PPP2R2A: variants seen among roughly 807,000 people sequenced by gnomAD.
The protein encoded by PPP2R2A is serine/threonine-protein phosphatase 2A 55 kDa regulatory subunit B alpha isoform.
PPP2R2A carries 9 observed loss-of-function variants against 53.2 expected under a neutral mutation model. The observed-to-expected ratio is 0.17, with a 90% CI of 0.10 to 0.30. The LOEUF (loss-of-function observed/expected upper bound fraction) is 0.30, where lower values mean the gene tolerates loss of function less well. PPP2R2A is among the 10% of genes least tolerant of loss of function. The pLI is 1.00. For synonymous variants in PPP2R2A, 169 were observed against 174.2 expected (o/e 0.97, Z 0.23); for missense variants, 235 against 534.6 (o/e 0.44, Z 5.53).
At chr8:26,344,470 A>G (rs1804107643) in intron 3 of PPP2R2A, among the ~76,000 whole-genome samples, 1 of 152,194 alleles carries the variant, frequency 6.6e-6, no homozygotes, top group African/African-American at 2.4e-5. Context: ...ATTACTTTAT[A>G]CCTAATGAGG....
chr8:26,309,196 A>G (rs1802162042), intron 2 of PPP2R2A, among the ~76,000 whole-genome samples: 1 of 152,180 alleles, frequency 6.6e-6, no homozygotes, highest in Admixed American at 6.5e-5. Context: ...TTGTCTTGTA[A>G]GTCAGAATCA....
At chr8:26,314,321 C>T (rs560192287) in intron 2 of PPP2R2A, among the ~76,000 whole-genome samples, 2 of 152,332 alleles carry the variant, frequency 1.3e-5, no homozygotes, top group South Asian at 4.1e-4. Context: ...AACCCGCGTG[C>T]TTCAATCTGG....
At chr8:26,337,540 A>G (rs769409828) in intron 2 of PPP2R2A, among the ~76,000 whole-genome samples, 2 of 152,224 alleles carry the variant, frequency 1.3e-5, no homozygotes, top group African/African-American at 2.4e-5. Flanking sequence ...AGAAGTCAGT[A>G]GTATAGTACA....
rs543127402 is a variant in PPP2R2A, at chr8:26,318,285, T to C, written c.83-20605T>C. ...AATTCAAATAGTTTAATATTTTTTA[T>C]GACATGAAACAATTGGAAATTTGAA... On this transcript the variant is annotated intron_variant, in intron 2 of 9. Coordinates refer to ENST00000380737, the MANE Select transcript of PPP2R2A (RefSeq NM_002717.4). Among the ~76,000 whole-genome samples the C allele has an allele frequency of 3.3e-5, 5 of 152,352 alleles. No homozygotes were observed. In the South Asian group the frequency reaches 6.2e-4, roughly 19 times the overall value.
chr8:26,363,084 T>C (rs17309613), intron 7 of PPP2R2A: 19,118 of 397,138 alleles, frequency 0.048, 747 homozygotes, highest in South Asian at 0.13. Context: ...TGGAATGCTG[T>C]TGTTCTTTGG....
At chr8:26,339,654 A>G (rs1269199202) in intron 3 of PPP2R2A, among the ~76,000 whole-genome samples, 1 of 152,016 alleles carries the variant, frequency 6.6e-6, no homozygotes, top group Non-Finnish European at 1.5e-5. Flanking sequence ...AATTTGTCAC[A>G]CTTGGTTTTT....
rs1462207767 is a variant in PPP2R2A, at chr8:26,360,039, AAGTT to A, written c.347-129_347-126del. The A allele has an allele frequency of 1.9e-6, 1 of 518,494 alleles. No individual in the cohort carries two copies. The highest frequency in any genetic ancestry group is 3.3e-6 in the Non-Finnish European group (1 of 298,972). 32.1% of individuals were successfully genotyped at this position (518,494 alleles called of 1,614,324 possible). ...AGCTGATAATAGGAAATTTTTTAGT[AAGTT>A]CAGATTAGGGTTTTTTTTTTTTTCG... On this transcript the variant is annotated intron_variant, in intron 4 of 9. Coordinates refer to ENST00000380737, the MANE Select transcript of PPP2R2A (RefSeq NM_002717.4). The surrounding 1 kb of genome is among the most constrained non-coding windows in gnomAD (Gnocchi z 4.5).
In PPP2R2A at chr8:26,354,759, T is replaced by C. The variant is rs1804686365; in HGVS notation, c.346+126T>C. The C allele has an allele frequency of 5.6e-6, 5 of 895,986 alleles. No homozygotes were observed. The highest frequency in any genetic ancestry group is 7.6e-6 in the Non-Finnish European group (5 of 662,098). 55.5% of individuals were successfully genotyped at this position (895,986 alleles called of 1,614,324 possible). On this transcript the variant is annotated intron_variant, in intron 4 of 9. Coordinates refer to ENST00000380737, the MANE Select transcript of PPP2R2A (RefSeq NM_002717.4). The surrounding 1 kb of genome is among the most constrained non-coding windows in gnomAD (Gnocchi z 4.6). ...AGGACTTTTGTTTTTCTATACAGAA[T>C]GTAAACTCTACTTTTTTACTGTCAC...
intron 2 of PPP2R2A, among the ~76,000 whole-genome samples, chr8:26,328,982 GA>G (rs1803232768): frequency 6.6e-6 from 1 of 152,100 alleles, no homozygotes; most frequent in South Asian, 2.1e-4. Flanking sequence ...CCAGGGGTGA[GA>G]TTTCAGGGTT....
At chr8:26,296,827 GTAGGCT>G (rs1563279650) in intron 2 of PPP2R2A, among the ~76,000 whole-genome samples, 1 of 152,132 alleles carries the variant, frequency 6.6e-6, no homozygotes, top group Non-Finnish European at 1.5e-5. Context: ...TATTTACTTG[GTAGGCT>G]TTTTAAAATA....
intron 2 of PPP2R2A, among the ~76,000 whole-genome samples, chr8:26,320,915 A>G (rs186105729): frequency 1.9e-3 from 289 of 152,288 alleles, no homozygotes; most frequent in African/African-American, 6.8e-3. Flanking sequence ...TCTTTTAAAG[A>G]ATGTCTAGAG....
At position 26,360,406 on chromosome 8, in the gene PPP2R2A, C is replaced by A; in HGVS notation, c.459+125C>A. Reference sequence around the variant, plus strand: ...TCCCCTTTCCCAGTAATTCTGTAATCAGGTAGGACATTGAGTAACTCATTT... The same window carrying A: ...TCCCCTTTCCCAGTAATTCTGTAATAAGGTAGGACATTGAGTAACTCATTT... On this transcript the variant is annotated intron_variant, in intron 5 of 9. Transcript: ENST00000380737. This position sits in a 1 kb window ranked among gnomAD's most constrained non-coding sequence, Gnocchi z 4.5. 1.8e-6 allele frequency: 1 copy of A among 554,570 alleles called. No individual in the cohort carries two copies. The highest frequency in any genetic ancestry group is 3.1e-6 in the Non-Finnish European group (1 of 319,836). 34.4% of individuals were successfully genotyped at this position (554,570 alleles called of 1,614,324 possible).
intron 2 of PPP2R2A, among the ~76,000 whole-genome samples, chr8:26,308,115 AGT>A (rs2117222842): frequency 6.6e-6 from 1 of 152,388 alleles, no homozygotes; most frequent in Non-Finnish European, 1.5e-5. Context: ...CTGAAACAAC[AGT>A]GTACATGACA....
chr8:26,369,624 C>T (rs762578550), intron 9 of PPP2R2A, among the ~76,000 whole-genome samples: 4 of 152,294 alleles, frequency 2.6e-5, no homozygotes, highest in Admixed American at 2.0e-4. Flanking sequence ...GATCTCCTGA[C>T]GTCGTGATCT....
At chr8:26,343,644 C>T (rs1401770538) in intron 3 of PPP2R2A, among the ~76,000 whole-genome samples, 1 of 152,014 alleles carries the variant, frequency 6.6e-6, no homozygotes, top group African/African-American at 2.4e-5. Context: ...CCTTGGCCTC[C>T]CAAAGTGTTG....
rs1006975805 is a variant in PPP2R2A at position 26,354,921 on chromosome 8, G to A, written c.346+288G>A. Among the ~76,000 whole-genome samples, 4 of 152,112 alleles carry A rather than the reference G, an allele frequency of 2.6e-5. No homozygotes were observed. The highest frequency in any genetic ancestry group is 7.2e-5 in the African/African-American group (3 of 41,408). ...AATATTTCTGTCATTTCTCAGTCTC[G>A]TAATCTTGGGCAGGTTACTAACACT... On this transcript the variant is annotated intron_variant, in intron 4 of 9. Transcript: ENST00000380737. This position sits in a 1 kb window ranked among gnomAD's most constrained non-coding sequence, Gnocchi z 4.6.
chr8:26,291,539 C>A lies in PPP2R2A; in HGVS notation c.-281C>A, dbSNP rs1055853775. Reference sequence around the variant, plus strand: ...GCCGGCGCCATTTTGAAAGTGGAGTCGCCTGCCCCTGCCGCTGCCGCCGCC... The same window carrying A: ...GCCGGCGCCATTTTGAAAGTGGAGTAGCCTGCCCCTGCCGCTGCCGCCGCC... On this transcript the variant is annotated 5_prime_UTR_variant, in exon 1 of 10. Transcript: ENST00000380737. 9.1e-6 allele frequency: 4 copies of A among 440,058 alleles called. No individual in the cohort carries two copies. Among genetic ancestry groups the A allele is most frequent in the African/African-American group, 2.1e-5 (1 of 46,764 alleles). The allele number at this position is 440,058 out of a possible 1,614,324, so 27.3% of individuals were successfully genotyped here.
intron 1 of PPP2R2A, 172 bp downstream of exon 1, chr8:26,291,998 A>G (rs536311714): frequency 8.3e-6 from 8 of 963,870 alleles, no homozygotes; most frequent in South Asian, 2.2e-5. Context: ...CCGGGAGGCA[A>G]GTGGTCACGG....
chr8:26,318,623 G>C (rs1348097608), intron 2 of PPP2R2A, among the ~76,000 whole-genome samples: 1 of 152,174 alleles, frequency 6.6e-6, no homozygotes, highest in Admixed American at 6.5e-5. Context: ...AGTTTATACT[G>C]ATACCTCCAA....
Sources: gnomAD v4.1 joint callset for allele counts (sites outside exome capture counted in the v4.1 genomes callset) on GRCh38, gnomAD v4.1.1 for gene constraint, Gnocchi (gnomAD v3.1) non-coding constraint, MANE v1.5 for transcripts, NCBI Gene and HGNC (gene_info 2026-07-23, HGNC 2026-07-21) for gene names.